Variants in PLPP1 observed in about 807,000 individuals in gnomAD.
PLPP1 encodes the protein phospholipid phosphatase 1.
In PLPP1, 24 loss-of-function variants were observed where a neutral mutation model predicts 31.2. The observed-to-expected ratio is 0.77, with a 90% CI of 0.56 to 1.08. PLPP1 has a LOEUF of 1.08. Among genes scored for constraint, PLPP1 ranks in the 50% least tolerant of loss-of-function variants. The probability of loss-of-function intolerance (pLI) is 0.00; values close to 1 mark genes in which losing one functional copy is unlikely to be tolerated. For missense variants in PLPP1, 319 were observed against 342.7 expected (o/e 0.93, Z 0.55); for synonymous variants, 146 against 126.3 (o/e 1.16, Z -1.05).
intron 1 of PLPP1, among the ~76,000 whole-genome samples, chr5:55,499,679 C>A (rs1753091689): frequency 2.7e-5 from 1 of 37,624 alleles, no homozygotes; most frequent in Admixed American, 3.8e-4. Context: ...AGTTTCACTA[C>A]TCAAAAAAAA....
intron 4 of PLPP1, among the ~76,000 whole-genome samples, chr5:55,435,434 G>A (rs530865497): frequency 3.9e-5 from 6 of 152,168 alleles, no homozygotes; most frequent in South Asian, 2.1e-4. Flanking sequence ...GAATGGATGC[G>A]GAAGAATCTC....
rs1054654979 is a variant in PLPP1, at chr5:55,518,962, A to T, written c.58+15610T>A. 7.2e-5 allele frequency among the ~76,000 whole-genome samples: 11 copies of T among 152,186 alleles called. No homozygotes were observed. In the East Asian group the frequency reaches 2.1e-3, roughly 29 times the overall value. On this transcript the variant is annotated intron_variant, in intron 1 of 5. Transcript: ENST00000307259. ...GACTTCCAAACCAACTGTTTTTACT[A>T]CTAGATTACACTTTGAACTCTTTAA...
intron 3 of PLPP1, among the ~76,000 whole-genome samples, chr5:55,442,710 A>T (rs1283145764): frequency 6.6e-6 from 1 of 152,016 alleles, no homozygotes; most frequent in East Asian, 1.9e-4. Flanking sequence ...ATTTCCCACC[A>T]AATTCAGTGC....
intron 1 of PLPP1, among the ~76,000 whole-genome samples, chr5:55,494,446 T>C (rs113556412): frequency 6.6e-6 from 1 of 152,120 alleles, no homozygotes; most frequent in African/African-American, 2.4e-5. Context: ...GGGAGCTCAT[T>C]TATGGTGGAA....
intron 2 of PLPP1, among the ~76,000 whole-genome samples, chr5:55,472,749 GAGGAAGAGGAA>G (rs1561236559): frequency 1.9e-4 from 1 of 5,164 alleles, no homozygotes; most frequent in Non-Finnish European, 1.2e-3. Flanking sequence ...AGAGGAAGAA[GAGGAAGAGGAA>G]GAAGAAGAGG....
chr5:55,511,588 T>A (rs1753408942), intron 1 of PLPP1, among the ~76,000 whole-genome samples: 1 of 151,322 alleles, frequency 6.6e-6, no homozygotes, highest in African/African-American at 2.4e-5. Context: ...GTGAGAATAT[T>A]ACTAATGATA....
At chr5:55,472,543 T>C (rs1365960842) in intron 2 of PLPP1, among the ~76,000 whole-genome samples, 1 of 151,704 alleles carries the variant, frequency 6.6e-6, no homozygotes, top group Admixed American at 6.6e-5. Flanking sequence ...GAGTTTGCAG[T>C]GAGCTGAGAT....
chr5:55,521,426 G>GA (rs551266109), intron 1 of PLPP1, among the ~76,000 whole-genome samples: 34 of 151,786 alleles, frequency 2.2e-4, no homozygotes, highest in African/African-American at 8.2e-4. Flanking sequence ...GCTGAGGTGG[G>GA]AAAATCACTT....
intron 1 of PLPP1, among the ~76,000 whole-genome samples, chr5:55,485,811 C>A (rs7716957): frequency 0.86 from 131,284 of 152,100 alleles, 56,827 homozygotes; most frequent in South Asian, 0.92. Flanking sequence ...ATTATCAAAA[C>A]TTATGAAATA....
chr5:55,462,294 TAC>T (rs1752182383), intron 3 of PLPP1, among the ~76,000 whole-genome samples: 1 of 152,334 alleles, frequency 6.6e-6, no homozygotes, highest in South Asian at 2.1e-4. Context: ...ATGAGAGGCA[TAC>T]AGAGCAATGA....
At chr5:55,456,006 T>C (rs559475940) in intron 3 of PLPP1, among the ~76,000 whole-genome samples, 2 of 152,212 alleles carry the variant, frequency 1.3e-5, no homozygotes, top group African/African-American at 4.8e-5. Flanking sequence ...CATTAGCTTT[T>C]TTTTTCCCCA....
intron 3 of PLPP1, among the ~76,000 whole-genome samples, chr5:55,449,452 C>T (rs1751848306): frequency 6.6e-6 from 1 of 152,184 alleles, no homozygotes; most frequent in South Asian, 2.1e-4. Flanking sequence ...TACACACACA[C>T]AGTCTACATT....
In PLPP1 at chr5:55,524,264, TA is replaced by T. The variant is rs374164078; in HGVS notation, c.58+10307del. Among the ~76,000 whole-genome samples, 344 of 151,570 alleles carry T rather than the reference TA, an allele frequency of 2.3e-3. 4 individuals carry two copies. Among genetic ancestry groups the T allele is most frequent in the African/African-American group, 7.7e-3 (317 of 41,290 alleles). The stretch of plus-strand genomic sequence containing the variant: ...TAACACTAACAATAGCCAATGAGCT[TA>T]AAAAAAAATTGCAAAAAAATCTTAT... On this transcript the variant is annotated intron_variant, in intron 1 of 5. Coordinates refer to ENST00000307259, the MANE Select transcript of PLPP1 (RefSeq NM_003711.4).
chr5:55,533,316 G>A (rs1381729174), intron 1 of PLPP1, among the ~76,000 whole-genome samples: 1 of 151,154 alleles, frequency 6.6e-6, no homozygotes, highest in Non-Finnish European at 1.5e-5. Flanking sequence ...CCAGGCGGCA[G>A]AGGCTGCAGT....
chr5:55,465,928 T>C (rs1208518658), intron 3 of PLPP1, among the ~76,000 whole-genome samples: 1 of 147,814 alleles, frequency 6.8e-6, no homozygotes, highest in Non-Finnish European at 1.5e-5. Context: ...CCTAGGATAC[T>C]GCTTGCCCTT....
chr5:55,493,860 A>G (rs1427334605), intron 1 of PLPP1, among the ~76,000 whole-genome samples: 2 of 150,578 alleles, frequency 1.3e-5, no homozygotes, highest in African/African-American at 4.9e-5. Flanking sequence ...AGCCTGGGCG[A>G]CAGAGCGAGA....
intron 4 of PLPP1, among the ~76,000 whole-genome samples, chr5:55,435,356 G>A (rs142896588): frequency 2.4e-4 from 36 of 152,298 alleles, no homozygotes; most frequent in African/African-American, 8.7e-4. Flanking sequence ...AGTATGCTGA[G>A]GGAGATGTGC....
chr5:55,433,144 CAA>C (rs57495015), intron 4 of PLPP1, among the ~76,000 whole-genome samples: 2 of 125,310 alleles, frequency 1.6e-5, no homozygotes, highest in African/African-American at 3.1e-5. Context: ...CCCATCTCTA[CAA>C]AAAAAAAAAA....
In PLPP1 at chr5:55,534,656, G is replaced by C. The variant is rs1740820965; in HGVS notation, c.-27C>G. 2 of 1,532,378 alleles carry C rather than the reference G, an allele frequency of 1.3e-6. No homozygotes were observed. Among genetic ancestry groups the C allele is most frequent in the African/African-American group, 2.8e-5 (2 of 70,336 alleles). 94.9% of individuals were successfully genotyped at this position (1,532,378 alleles called of 1,614,324 possible). On this transcript the variant is annotated 5_prime_UTR_variant, in exon 1 of 6. Transcript: ENST00000307259. ...GTCTCTGCCCGGGCTGCCCGGCAAG[G>C]GCGATGGACTGAGCTGCGGGACGGC...
Sources: gnomAD v4.1 joint callset for allele counts (sites outside exome capture counted in the v4.1 genomes callset) on GRCh38, gnomAD v4.1.1 for gene constraint, MANE v1.5 for transcripts, NCBI Gene and HGNC (gene_info 2026-07-23, HGNC 2026-07-21) for gene names.